The following DIS3L2 variants were observed in gnomAD, a reference collection of about 807,000 sequenced individuals.
DIS3L2 encodes the protein DIS3 like 3'-5' exoribonuclease 2.
In DIS3L2, 34 loss-of-function variants were observed where a neutral mutation model predicts 97.5. That is an observed-to-expected ratio of 0.35 (90% CI 0.27 to 0.46). The LOEUF (loss-of-function observed/expected upper bound fraction) is 0.46. Ranked by LOEUF, DIS3L2 falls within the 20% of genes least tolerant of loss-of-function variation. The pLI is 1.00. For missense variants in DIS3L2, 1,038 were observed against 1,146.0 expected (o/e 0.91, Z 1.36); for synonymous variants, 435 against 445.2 (o/e 0.98, Z 0.29).
At chr2:232,021,038 G>A (rs1694496714) in intron 3 of DIS3L2, among the ~76,000 whole-genome samples, 1 of 152,116 alleles carries the variant, frequency 6.6e-6, no homozygotes, top group Non-Finnish European at 1.5e-5. Flanking sequence ...CAGTTTTAAG[G>A]ACTCTCAAAC....
exon 14 of DIS3L2, chr2:232,343,486 T>A: frequency 6.4e-7 from 1 of 1,556,198 alleles, no homozygotes; most frequent in South Asian, 1.2e-5. Context: ...CACACGACTG[T>A]TTTTCCTTCA....
intron 12 of DIS3L2, among the ~76,000 whole-genome samples, chr2:232,256,094 G>A (rs1323455663): frequency 6.6e-6 from 1 of 152,128 alleles, no homozygotes; most frequent in Admixed American, 6.5e-5. Flanking sequence ...TGAATCTTAA[G>A]CCTTGTCTCT....
intron 5 of DIS3L2, among the ~76,000 whole-genome samples, chr2:232,068,253 A>G (rs536010630): frequency 4.6e-4 from 70 of 152,200 alleles, no homozygotes; most frequent in African/African-American, 1.5e-3. Context: ...GATCAAAGAA[A>G]TGTGGTTTCA....
chr2:232,235,973 C>A (rs997703097), intron 10 of DIS3L2, among the ~76,000 whole-genome samples: 1 of 152,182 alleles, frequency 6.6e-6, no homozygotes, highest in African/African-American at 2.4e-5. Flanking sequence ...CCAGACAGCC[C>A]TCTCCTCTGT....
At chr2:232,036,841 C>A (rs1559561032) in intron 5 of DIS3L2, among the ~76,000 whole-genome samples, 2 of 152,182 alleles carry the variant, frequency 1.3e-5, no homozygotes, top group African/African-American at 2.4e-5. Flanking sequence ...GCTTGGGTAT[C>A]ATCAGTGGAG....
intron 5 of DIS3L2, among the ~76,000 whole-genome samples, chr2:232,052,016 T>G (rs1695422807): frequency 6.6e-6 from 1 of 151,796 alleles, no homozygotes; most frequent in South Asian, 2.1e-4. Flanking sequence ...GGATTTGTTT[T>G]CATCTTAATT....
At chr2:232,007,211 A>T (rs1317917286) in intron 1 of DIS3L2, among the ~76,000 whole-genome samples, 1 of 152,234 alleles carries the variant, frequency 6.6e-6, no homozygotes, top group Non-Finnish European at 1.5e-5. Context: ...AAGAACACAC[A>T]TTAAGAGGGT....
At chr2:232,330,997 T>C (rs1417102709) in intron 16 of DIS3L2, among the ~76,000 whole-genome samples, 1 of 152,164 alleles carries the variant, frequency 6.6e-6, no homozygotes, top group East Asian at 1.9e-4. Flanking sequence ...TGAGCCGCTG[T>C]CTCCTGCTCA....
chr2:232,106,231 G>A (rs868783141), intron 6 of DIS3L2, among the ~76,000 whole-genome samples: 3 of 151,986 alleles, frequency 2.0e-5, no homozygotes, highest in African/African-American at 4.8e-5. Flanking sequence ...GGCCCTGGTC[G>A]GGTCCTACAA....
intron 1 of DIS3L2, among the ~76,000 whole-genome samples, chr2:231,982,501 C>G (rs897751339): frequency 6.6e-6 from 1 of 152,034 alleles, no homozygotes. Flanking sequence ...ATGATAACTT[C>G]TTTAATCTGT....
intron 1 of DIS3L2, among the ~76,000 whole-genome samples, chr2:231,974,500 C>T (rs570444939): frequency 1.4e-5 from 2 of 147,592 alleles, no homozygotes; most frequent in African/African-American, 2.5e-5. Flanking sequence ...TTTTTCATCT[C>T]AGTTGACATG....
chr2:232,270,920 C>CTCTCT (rs1491428926), intron 13 of DIS3L2, among the ~76,000 whole-genome samples: 1 of 110,570 alleles, frequency 9.0e-6, no homozygotes, highest in Non-Finnish European at 1.9e-5. Context: ...CTCTCTGTCT[C>CTCTCT]GTCTCTCTCT....
At chr2:232,213,553 T>C (rs560270750) in intron 10 of DIS3L2, among the ~76,000 whole-genome samples, 2 of 152,166 alleles carry the variant, frequency 1.3e-5, no homozygotes, top group East Asian at 3.9e-4. Flanking sequence ...GTTGGCTAAG[T>C]TCAGGTTGAG....
chr2:232,265,392 G>A (rs1021782842), intron 13 of DIS3L2, among the ~76,000 whole-genome samples: 1 of 152,106 alleles, frequency 6.6e-6, no homozygotes, highest in South Asian at 2.1e-4. Context: ...GCCAAAATCT[G>A]TCTCTCTATC....
At chr2:232,326,478 G>A (rs1349049949) in intron 14 of DIS3L2, among the ~76,000 whole-genome samples, 1 of 152,188 alleles carries the variant, frequency 6.6e-6, no homozygotes, top group Non-Finnish European at 1.5e-5. Context: ...GCCAGAGCCA[G>A]GGGTCAGCCC....
At chr2:232,233,263 G>A (rs2106246530) in intron 10 of DIS3L2, among the ~76,000 whole-genome samples, 1 of 152,362 alleles carries the variant, frequency 6.6e-6, no homozygotes, top group Admixed American at 6.5e-5. Context: ...AGGCTGGGAA[G>A]TCCAAGATCA....
intron 6 of DIS3L2, among the ~76,000 whole-genome samples, chr2:232,099,250 G>A (rs760834152): frequency 7.3e-5 from 11 of 151,094 alleles, no homozygotes; most frequent in Non-Finnish European, 1.5e-4. Context: ...GAGTCTAGCT[G>A]TGTTGCCCAG....
intron 8 of DIS3L2, among the ~76,000 whole-genome samples, chr2:232,147,976 CCTCCCCTCCGCTCCCCTCTTTTCTCCT>C (rs1690266701): frequency 8.1e-6 from 1 of 124,144 alleles, no homozygotes; most frequent in African/African-American, 3.1e-5. Context: ...CCTCCCCTCC[CCTCCCCTCCGCTCCCCTCTTTTCTCCT>C]CTCCTCTCCT....
chr2:232,134,808 G>C (rs1698311930), intron 7 of DIS3L2, among the ~76,000 whole-genome samples: 1 of 151,986 alleles, frequency 6.6e-6, no homozygotes, highest in Non-Finnish European at 1.5e-5. Context: ...CTTCAGCCTG[G>C]GTGACAGAGC....
Sources: gnomAD v4.1 joint callset for allele counts (sites outside exome capture counted in the v4.1 genomes callset) on GRCh38, gnomAD v4.1.1 for gene constraint, MANE v1.5 for transcripts, NCBI Gene and HGNC (gene_info 2026-07-23, HGNC 2026-07-21) for gene names.